The following SETBP1 variants were observed in gnomAD, a reference collection of about 807,000 sequenced individuals.
SETBP1 encodes SET binding protein 1.
SETBP1 carries 9 observed loss-of-function variants against 101.0 expected under a neutral mutation model. That is an observed-to-expected ratio of 0.09 (90% CI 0.05 to 0.16). The LOEUF (loss-of-function observed/expected upper bound fraction) is 0.16. SETBP1 is among the 10% of genes least tolerant of loss of function. The probability of loss-of-function intolerance (pLI) is 1.00; values close to 1 mark genes in which losing one functional copy is unlikely to be tolerated. For synonymous variants in SETBP1, 818 were observed against 788.5 expected (o/e 1.04, Z -0.63); for missense variants, 1,858 against 2,033.8 (o/e 0.91, Z 1.66).
At chr18:44,689,422 C>A (rs977913652) in intron 1 of SETBP1, among the ~76,000 whole-genome samples, 1 of 152,172 alleles carries the variant, frequency 6.6e-6, no homozygotes, top group Non-Finnish European at 1.5e-5. Flanking sequence ...ATGTCAGACT[C>A]AATGTGCCTG....
intron 4 of SETBP1, among the ~76,000 whole-genome samples, chr18:44,954,055 T>G (rs546937614): frequency 6.6e-6 from 1 of 152,300 alleles, no homozygotes; most frequent in East Asian, 1.9e-4. Context: ...TGTGTCTCTT[T>G]GCATGCCCAC....
chr18:45,046,365 C>T (rs2073611506), intron 5 of SETBP1, among the ~76,000 whole-genome samples: 1 of 152,184 alleles, frequency 6.6e-6, no homozygotes, highest in Non-Finnish European at 1.5e-5. Flanking sequence ...CCAGAAGCAG[C>T]AAACCATCCT....
chr18:44,979,330 G>C (rs2072060320), intron 4 of SETBP1, among the ~76,000 whole-genome samples: 1 of 152,102 alleles, frequency 6.6e-6, no homozygotes, highest in Non-Finnish European at 1.5e-5. Context: ...TATTTGCCTG[G>C]CCCTTTGTTC....
intron 2 of SETBP1, among the ~76,000 whole-genome samples, chr18:44,792,201 C>T (rs1377547024): frequency 6.6e-6 from 1 of 152,156 alleles, no homozygotes; most frequent in Non-Finnish European, 1.5e-5. Flanking sequence ...TAGGAGATCC[C>T]CAATGTCCCA....
At chr18:44,773,793 CCT>C (rs377709717) in intron 2 of SETBP1, among the ~76,000 whole-genome samples, 5,691 of 132,176 alleles carry the variant, frequency 0.043, 97 homozygotes, top group Middle Eastern at 0.067. Context: ...TCTCAACCAG[CCT>C]CTCTCTCTCT....
intron 2 of SETBP1, among the ~76,000 whole-genome samples, chr18:44,750,468 G>A (rs1013861441): frequency 6.6e-6 from 1 of 152,170 alleles, no homozygotes; most frequent in Non-Finnish European, 1.5e-5. Flanking sequence ...TCACACTGGG[G>A]GTTAGGGTGT....
intron 3 of SETBP1, among the ~76,000 whole-genome samples, chr18:44,917,166 C>G (rs1274362676): frequency 1.3e-5 from 2 of 152,232 alleles, no homozygotes; most frequent in Admixed American, 6.5e-5. Flanking sequence ...TCTCAACCTT[C>G]TGTGTGGGAT....
chr18:44,909,589 C>T (rs1233920002), intron 3 of SETBP1, among the ~76,000 whole-genome samples: 1 of 152,172 alleles, frequency 6.6e-6, no homozygotes, highest in Non-Finnish European at 1.5e-5. Flanking sequence ...TTCTCTTCTC[C>T]TGTCCCAACT....
intron 4 of SETBP1, among the ~76,000 whole-genome samples, chr18:45,025,158 C>G (rs2073140264): frequency 6.6e-6 from 1 of 152,172 alleles, no homozygotes; most frequent in Admixed American, 6.5e-5. Context: ...GCTACAGATG[C>G]TCAGAGATGC....
At chr18:44,803,425 A>C (rs1183039446) in intron 2 of SETBP1, among the ~76,000 whole-genome samples, 1 of 152,146 alleles carries the variant, frequency 6.6e-6, no homozygotes, top group Non-Finnish European at 1.5e-5. Context: ...AGTCATGTCC[A>C]CAGGATTGCA....
chr18:44,915,289 T>C (rs1222777241), intron 3 of SETBP1, among the ~76,000 whole-genome samples: 2 of 152,140 alleles, frequency 1.3e-5, no homozygotes, highest in African/African-American at 4.8e-5. Context: ...CAAGGAAGTA[T>C]GGGGTTTTAT....
chr18:44,851,639 C>T (rs535682697), intron 2 of SETBP1, among the ~76,000 whole-genome samples: 1 of 152,322 alleles, frequency 6.6e-6, no homozygotes, highest in South Asian at 2.1e-4. Flanking sequence ...CTTCCTTTTA[C>T]ACACACAAGT....
At chr18:44,899,840 TATAAG>T in intron 3 of SETBP1, among the ~76,000 whole-genome samples, 1 of 152,256 alleles carries the variant, frequency 6.6e-6, no homozygotes, top group Admixed American at 6.5e-5. Context: ...GCTTTTTAAG[TATAAG>T]ATATTTAATA....
At chr18:44,714,052 G>GA (rs935377344) in intron 2 of SETBP1, among the ~76,000 whole-genome samples, 3 of 152,186 alleles carry the variant, frequency 2.0e-5, no homozygotes, top group African/African-American at 7.2e-5. Flanking sequence ...TTATCTAAAT[G>GA]AAAGGGCTGT....
intron 5 of SETBP1, among the ~76,000 whole-genome samples, chr18:45,041,627 G>A (rs1293424515): frequency 1.3e-5 from 2 of 152,112 alleles, no homozygotes; most frequent in Non-Finnish European, 2.9e-5. Flanking sequence ...GAGATAAGAA[G>A]GTACTGAAGT....
chr18:45,051,021 G>A (rs1212708060), intron 5 of SETBP1, among the ~76,000 whole-genome samples: 1 of 152,172 alleles, frequency 6.6e-6, no homozygotes, highest in Non-Finnish European at 1.5e-5. Context: ...CATATGGAAA[G>A]TTCATTTTGT....
rs779357084 is a variant in SETBP1 at position 44,951,338 on chromosome 18, C to T, written c.1998C>T (p.Ile666=). The T allele has an allele frequency of 6.2e-7, 1 of 1,613,830 alleles. No homozygotes were observed. Among genetic ancestry groups the T allele is most frequent in the Non-Finnish European group, 8.5e-7 (1 of 1,180,018 alleles). Residue 666 remains isoleucine (I), a synonymous_variant, in exon 4 of 6, where the codon ATC becomes ATT. Coordinates refer to ENST00000649279, the MANE Select transcript of SETBP1 (RefSeq NM_015559.3). This position sits in a 1 kb window ranked among gnomAD's most constrained non-coding sequence, Gnocchi z 7.8. ...TGGATAAGAAGACCATCAAAACTAT[C>T]AATAAGATGAAGACACTCAAGAGGA... ...GVLDKKTIKT[I]NKMKTLKRKN...
intron 2 of SETBP1, among the ~76,000 whole-genome samples, chr18:44,850,384 T>G (rs1336079263): frequency 1.3e-5 from 2 of 152,070 alleles, no homozygotes; most frequent in Non-Finnish European, 2.9e-5. Flanking sequence ...TTTTTCTTTT[T>G]TTTTGAGACA....
At chr18:44,722,999 T>G (rs2069632669) in intron 2 of SETBP1, among the ~76,000 whole-genome samples, 1 of 152,238 alleles carries the variant, frequency 6.6e-6, no homozygotes, top group African/African-American at 2.4e-5. Flanking sequence ...ATGACATTGG[T>G]AATTTAACCC....
Sources: allele counts gnomAD v4.1 joint callset (sites outside exome capture counted in the v4.1 genomes callset), GRCh38; gene constraint gnomAD v4.1.1; non-coding constraint Gnocchi (gnomAD v3.1); transcripts MANE v1.5; gene names NCBI Gene and HGNC (gene_info 2026-07-23, HGNC 2026-07-21).